Variants in GPATCH2 observed in about 807,000 individuals in gnomAD.
GPATCH2 encodes G patch domain-containing protein 2.
GPATCH2 carries 51 observed loss-of-function variants against 58.0 expected under a neutral mutation model. The ratio of observed to expected loss-of-function variants is 0.88; its 90% CI spans 0.70 to 1.11. GPATCH2 has a LOEUF of 1.11. Ranked by LOEUF, GPATCH2 falls within the 50% of genes most tolerant of loss-of-function variation. GPATCH2 has a pLI of 0.00. For synonymous variants in GPATCH2, 222 were observed against 218.5 expected, an observed-to-expected ratio of 1.02 and a Z score of -0.14; for missense variants, 625 against 652.2, an observed-to-expected ratio of 0.96 and a Z score of 0.45.
At chr1:217,477,933 G>C (rs1661037902) in intron 8 of GPATCH2, among the ~76,000 whole-genome samples, 2 of 152,262 alleles carry the variant, frequency 1.3e-5, no homozygotes, top group South Asian at 2.1e-4. Context: ...TCTATTGCTA[G>C]CTTCATGAGG....
chr1:217,435,295 T>G (rs929325262), intron 9 of GPATCH2, among the ~76,000 whole-genome samples: 2 of 152,212 alleles, frequency 1.3e-5, no homozygotes, highest in Non-Finnish European at 2.9e-5. Context: ...CTGCTGGATC[T>G]CTCATATCTA....
intron 5 of GPATCH2, among the ~76,000 whole-genome samples, chr1:217,571,703 C>CAAAAAAAAAAAAAAAAAAAAA (rs11463536): frequency 2.6e-4 from 19 of 73,804 alleles, no homozygotes; most frequent in South Asian, 6.5e-4. Context: ...AAAACGAAAC[C>CAAAAAAAAAAAAAAAAAAAAA]AAAAAAAAAA....
At chr1:217,456,006 C>G (rs555172806) in intron 8 of GPATCH2, among the ~76,000 whole-genome samples, 1 of 152,048 alleles carries the variant, frequency 6.6e-6, no homozygotes, top group Non-Finnish European at 1.5e-5. Flanking sequence ...GGAAGACCAT[C>G]TTCCCACTCC....
At chr1:217,465,337 A>G (rs1359603674) in intron 8 of GPATCH2, among the ~76,000 whole-genome samples, 1 of 152,226 alleles carries the variant, frequency 6.6e-6, no homozygotes, top group East Asian at 1.9e-4. Flanking sequence ...CAATATAAGT[A>G]TAATACAAAT....
At chr1:217,522,075 T>G (rs923952258) in intron 5 of GPATCH2, among the ~76,000 whole-genome samples, 1 of 152,246 alleles carries the variant, frequency 6.6e-6, no homozygotes. Flanking sequence ...TATAGTTGTA[T>G]GTATGACATT....
chr1:217,553,623 T>C (rs1167247479), intron 5 of GPATCH2, among the ~76,000 whole-genome samples: 1 of 152,180 alleles, frequency 6.6e-6, no homozygotes, highest in African/African-American at 2.4e-5. Flanking sequence ...TTGTATAGTC[T>C]ACATTATTGT....
intron 9 of GPATCH2, among the ~76,000 whole-genome samples, chr1:217,436,629 A>G (rs537253328): frequency 2.0e-5 from 3 of 152,244 alleles, no homozygotes; most frequent in East Asian, 3.8e-4. Context: ...TATGGACAAT[A>G]TATCACAGAC....
chr1:217,534,249 C>T (rs1664353491), intron 5 of GPATCH2, among the ~76,000 whole-genome samples: 1 of 151,998 alleles, frequency 6.6e-6, no homozygotes, highest in Admixed American at 6.6e-5. Context: ...TAAAAAGATT[C>T]TTACAGTTCT....
chr1:217,611,449 TTA>T (rs1200222750), intron 3 of GPATCH2, among the ~76,000 whole-genome samples: 1 of 152,180 alleles, frequency 6.6e-6, no homozygotes, highest in African/African-American at 2.4e-5. Flanking sequence ...ACACAAAATA[TTA>T]TGTTTTAGAA....
At chr1:217,528,101 G>A (rs950520681) in intron 5 of GPATCH2, among the ~76,000 whole-genome samples, 4 of 152,016 alleles carry the variant, frequency 2.6e-5, no homozygotes, top group South Asian at 2.1e-4. Flanking sequence ...GAATCAAAAG[G>A]GTATATATAT....
chr1:217,630,827 C>G (rs1458296866), intron 1 of GPATCH2, 89 bp downstream of exon 1: 1 of 921,368 alleles, frequency 1.1e-6, no homozygotes, highest in Non-Finnish European at 1.7e-6. Flanking sequence ...ATCACAGCTC[C>G]CTCCCGCCTC....
At chr1:217,441,817 C>G (rs1260057284) in intron 9 of GPATCH2, among the ~76,000 whole-genome samples, 1 of 152,026 alleles carries the variant, frequency 6.6e-6, no homozygotes. Context: ...GGTTAGAATG[C>G]TGAGCATTAA....
chr1:217,495,963 ATAT>A (rs1661986829), intron 7 of GPATCH2, among the ~76,000 whole-genome samples: 1 of 152,198 alleles, frequency 6.6e-6, no homozygotes, highest in Non-Finnish European at 1.5e-5. Flanking sequence ...AGTAGGGTTA[ATAT>A]TATTGTTTCT....
chr1:217,548,387 A>G (rs1002430327), intron 5 of GPATCH2, among the ~76,000 whole-genome samples: 5 of 152,320 alleles, frequency 3.3e-5, no homozygotes, highest in Middle Eastern at 6.8e-3. Flanking sequence ...ACAAACCTGC[A>G]CAGGTATGCA....
In GPATCH2 at chr1:217,578,532, G is replaced by A. The variant is rs146448979; in HGVS notation, c.1098+31789C>T. 2.9e-4 allele frequency among the ~76,000 whole-genome samples: 44 copies of A among 152,288 alleles called. No individual in the cohort carries two copies. The East Asian group carries it at 7.7e-3, about 27-fold the overall frequency. On this transcript the variant is annotated intron_variant, in intron 5 of 9. Transcript: ENST00000366935. ...ATCCTAAAGAGCTGAGAGTACAGGC[G>A]TCAGCCTCTGTGCTTGGTCCACCTA... is the stretch of plus-strand genomic sequence containing the variant.
intron 8 of GPATCH2, among the ~76,000 whole-genome samples, chr1:217,452,008 G>C (rs886217264): frequency 6.6e-6 from 1 of 152,212 alleles, no homozygotes; most frequent in Non-Finnish European, 1.5e-5. Flanking sequence ...TGGCAGAAGG[G>C]ACTGTATAAC....
chr1:217,613,732 A>T (rs1668745443), intron 3 of GPATCH2, among the ~76,000 whole-genome samples: 1 of 152,144 alleles, frequency 6.6e-6, no homozygotes, highest in African/African-American at 2.4e-5. Flanking sequence ...AGAATGAATA[A>T]ATGTCACAGC....
chr1:217,614,086 C>T (rs1394398962), intron 3 of GPATCH2, 55 bp downstream of exon 3: 10 of 940,656 alleles, frequency 1.1e-5, no homozygotes, highest in Non-Finnish European at 1.8e-5. Context: ...GTAATAAGCT[C>T]CACTTTAGAA....
At chr1:217,532,866 G>T (rs1664260850) in intron 5 of GPATCH2, among the ~76,000 whole-genome samples, 1 of 148,852 alleles carries the variant, frequency 6.7e-6, no homozygotes, top group Non-Finnish European at 1.5e-5. Context: ...GTAAAAAGTT[G>T]TGCTCTTTAT....
Sources: allele counts gnomAD v4.1 joint callset (sites outside exome capture counted in the v4.1 genomes callset), GRCh38; gene constraint gnomAD v4.1.1; transcripts MANE v1.5; gene names NCBI Gene and HGNC (gene_info 2026-07-23, HGNC 2026-07-21).